ZNF248: variants seen among roughly 807,000 people sequenced by gnomAD.
ZNF248 encodes the protein zinc finger protein 248.
ZNF248 carries 20 observed loss-of-function variants against 44.3 expected under a neutral mutation model. That is an observed-to-expected ratio of 0.45 (90% CI 0.32 to 0.66). The LOEUF is 0.66. ZNF248 is among the 30% of genes least tolerant of loss of function. The pLI is 0.04. For missense variants in ZNF248, 654 were observed against 677.0 expected (o/e 0.97, Z 0.38); for synonymous variants, 224 against 229.0 (o/e 0.98, Z 0.20).
At chr10:37,776,862 C>T (rs1355848649) in intron 6 of ZNF248, among the ~76,000 whole-genome samples, 1 of 152,140 alleles carries the variant, frequency 6.6e-6, no homozygotes, top group Non-Finnish European at 1.5e-5. Flanking sequence ...TGACCTTCAC[C>T]ATTTCACTTG....
chr10:37,790,493 C>T (rs532915665), intron 6 of ZNF248, among the ~76,000 whole-genome samples: 13 of 151,966 alleles, frequency 8.6e-5, no homozygotes, highest in African/African-American at 2.9e-4. Flanking sequence ...GGGCAGATCA[C>T]GAGGTCAAGA....
At chr10:37,854,899 T>G (rs1347811800) in intron 3 of ZNF248, among the ~76,000 whole-genome samples, 2 of 152,144 alleles carry the variant, frequency 1.3e-5, no homozygotes, top group African/African-American at 4.8e-5. Context: ...TGGAAAATAG[T>G]GTGTAAGTCA....
the ZNF248 span, among the ~76,000 whole-genome samples, chr10:37,767,971 C>A: frequency 6.6e-6 from 1 of 152,210 alleles, no homozygotes; most frequent in South Asian, 2.1e-4. Context: ...GGAGGGGTTG[C>A]AATCCTAGTC....
At chr10:37,841,117 AT>A (rs933258258) in intron 3 of ZNF248, among the ~76,000 whole-genome samples, 10 of 152,200 alleles carry the variant, frequency 6.6e-5, no homozygotes, top group African/African-American at 2.2e-4. Flanking sequence ...TGTTCACATG[AT>A]TTTTTATAGC....
intron 6 of ZNF248, chr10:37,819,947 C>G: frequency 1.3e-6 from 1 of 769,942 alleles, no homozygotes; most frequent in Non-Finnish European, 2.4e-6. Flanking sequence ...CCATGTCGGA[C>G]AGTAGTAAAG....
chr10:37,819,116 T>C (rs1801333736), intron 6 of ZNF248: 1 of 785,742 alleles, frequency 1.3e-6, no homozygotes, highest in Admixed American at 1.7e-5. Context: ...CACTGTACCA[T>C]TTACTAAAAG....
rs569867326 is a variant in ZNF248 at position 37,830,852 on chromosome 10, G to A, written c.*763C>T. On this transcript the variant is annotated 3_prime_UTR_variant, in exon 6 of 6. Coordinates refer to ENST00000395867, the MANE Select transcript of ZNF248 (RefSeq NM_021045.3). The stretch of plus-strand genomic sequence containing the variant: ...TGAAATGTAGCAAAATAATTAGGAA[G>A]TGATGAGTGCTGAGTATTTATTACC... 12 of 184,368 alleles carry A rather than the reference G, an allele frequency of 6.5e-5. No homozygotes were observed. The East Asian group carries it at 1.6e-3, about 24-fold the overall frequency. The allele number at this position is 184,368 out of a possible 1,614,324, so 11.4% of individuals were successfully genotyped here. A position where few individuals can be genotyped will look rare whatever the true frequency, so the allele number is the denominator to read the frequency against.
intron 5 of ZNF248, among the ~76,000 whole-genome samples, chr10:37,836,989 C>T (rs2057344488): frequency 6.7e-6 from 1 of 148,740 alleles, no homozygotes; most frequent in Admixed American, 6.7e-5. Flanking sequence ...GGAAGGCAAA[C>T]AATTTTAAAA....
the ZNF248 span, among the ~76,000 whole-genome samples, chr10:37,771,097 G>C: frequency 1.3e-5 from 2 of 152,170 alleles, no homozygotes; most frequent in East Asian, 3.9e-4. Context: ...AGTTAGAATG[G>C]CGATCATTAA....
chr10:37,762,338 G>A, the ZNF248 span, among the ~76,000 whole-genome samples: 3 of 152,276 alleles, frequency 2.0e-5, no homozygotes, highest in East Asian at 5.8e-4. Context: ...CCATGAGGGA[G>A]GTAACATTAG....
At chr10:37,849,125 A>C (rs540086705) in intron 3 of ZNF248, among the ~76,000 whole-genome samples, 3 of 152,306 alleles carry the variant, frequency 2.0e-5, no homozygotes, top group African/African-American at 7.2e-5. Context: ...TCAGGGAGAA[A>C]GAAAGAGCAG....
the ZNF248 span, among the ~76,000 whole-genome samples, chr10:37,768,089 G>C: frequency 1.3e-5 from 2 of 152,072 alleles, no homozygotes; most frequent in African/African-American, 4.8e-5. Flanking sequence ...TCCTAAATAC[G>C]TATGCACCCA....
chr10:37,833,463 C>A (rs1276668003), intron 5 of ZNF248, among the ~76,000 whole-genome samples: 1 of 152,094 alleles, frequency 6.6e-6, no homozygotes, highest in Non-Finnish European at 1.5e-5. Flanking sequence ...GTGAACCCAA[C>A]AGAGACAATG....
intron 6 of ZNF248, among the ~76,000 whole-genome samples, chr10:37,806,885 A>G (rs2050645132): frequency 6.6e-6 from 1 of 152,102 alleles, no homozygotes; most frequent in Non-Finnish European, 1.5e-5. Flanking sequence ...TAACTCTTAC[A>G]TGTAGGCCTT....
At chr10:37,820,353 A>T in intron 6 of ZNF248, 1 of 1,415,212 alleles carries the variant, frequency 7.1e-7, no homozygotes, top group Non-Finnish European at 1.0e-6. Flanking sequence ...CCTTTGTGCC[A>T]GCTGCTCTGG....
In ZNF248 at chr10:37,832,929, T is replaced by A; in HGVS notation, c.426A>T (p.Ser142=). The change falls in exon 6 of 6, where the codon TCA becomes TCT. Residue 142 remains serine, a synonymous_variant. Transcript: ENST00000395867. ...AAATATTTTTCAAATTCATTTCACA[T>A]GAGTCACATATTTTATAGGGATAAT... ...LRNYPYKICD[S]CEMNLKNISG... is the part of the protein sequence containing the mutation. 1 of 1,613,364 alleles carries A rather than the reference T, an allele frequency of 6.2e-7. No individual in the cohort carries two copies. Among genetic ancestry groups the A allele is most frequent in the Non-Finnish European group, 8.5e-7 (1 of 1,179,680 alleles).
chr10:37,761,754 T>A, the ZNF248 span, among the ~76,000 whole-genome samples: 1 of 152,248 alleles, frequency 6.6e-6, no homozygotes, highest in African/African-American at 2.4e-5. Flanking sequence ...TCTGAATTAA[T>A]AATTCTTCAA....
rs376950870 is a variant in ZNF248, at chr10:37,832,434, A to G, written c.921T>C (p.Cys307=). The part of the protein sequence containing the change: ...YEYNEYGEIF[C]DNSAFIIHQG... ...GATGGATAATGAAAGCTGAATTGTC[A>G]CAGAAGATTTCCCCATATTCATTAT... Residue 307 remains cysteine (C), a synonymous_variant, in exon 6 of 6, where the codon TGT becomes TGC. Coordinates refer to ENST00000395867, the MANE Select transcript of ZNF248 (RefSeq NM_021045.3). The G allele has an allele frequency of 1.9e-6, 3 of 1,614,006 alleles. No homozygotes were observed. Among genetic ancestry groups the G allele is most frequent in the Non-Finnish European group, 2.5e-6 (3 of 1,179,950 alleles).
chr10:37,819,620 CT>C lies in ZNF248; in HGVS notation c.330+13404del, dbSNP rs1564529839. The stretch of plus-strand genomic sequence containing the variant: ...TTTTAGTTCCCCGATACGTAGATTT[CT>C]AACCCTTTCTAGCCTTTCCAGCTCT... On this transcript the variant is annotated intron_variant, in intron 6 of 6. Coordinates refer to the ZNF248 transcript ENST00000615949. 5 of 826,262 alleles carry C rather than the reference CT, an allele frequency of 6.1e-6. No homozygotes were observed. The African/African-American group carries it at 8.4e-5, about 14-fold the overall frequency. 51.2% of individuals were successfully genotyped at this position (826,262 alleles called of 1,614,324 possible).
Sources: allele counts gnomAD v4.1 joint callset (sites outside exome capture counted in the v4.1 genomes callset), GRCh38; gene constraint gnomAD v4.1.1; transcripts MANE v1.5; gene names NCBI Gene and HGNC (gene_info 2026-07-23, HGNC 2026-07-21).